The following STAM variants were observed in gnomAD, a reference collection of about 807,000 sequenced individuals.
STAM encodes signal transducing adapter molecule 1.
In STAM, 16 loss-of-function variants were observed where a neutral mutation model predicts 63.4. That is an observed-to-expected ratio of 0.25 (90% confidence interval 0.17 to 0.38). The LOEUF is 0.38. Ranked by LOEUF, STAM falls within the 10% of genes least tolerant of loss-of-function variation. The probability of loss-of-function intolerance (pLI) is 1.00; values close to 1 mark genes in which losing one functional copy is unlikely to be tolerated. For missense variants in STAM, 636 were observed against 657.1 expected (o/e 0.97, Z 0.35); for synonymous variants, 238 against 223.9 (o/e 1.06, Z -0.56).
intron 1 of STAM, among the ~76,000 whole-genome samples, chr10:17,648,928 A>G (rs1396591937): frequency 6.6e-6 from 1 of 152,116 alleles, no homozygotes; most frequent in Non-Finnish European, 1.5e-5. Flanking sequence ...ACTCTCTTGA[A>G]TTCCAGGCTT....
chr10:17,657,005 G>A (rs1833965874), intron 1 of STAM, among the ~76,000 whole-genome samples: 1 of 152,146 alleles, frequency 6.6e-6, no homozygotes, highest in African/African-American at 2.4e-5. Flanking sequence ...CTTGGGAGGT[G>A]AGCATGCACA....
chr10:17,665,931 T>C (rs1554823336), intron 2 of STAM, among the ~76,000 whole-genome samples: 1 of 152,184 alleles, frequency 6.6e-6, no homozygotes. Flanking sequence ...AATTAGGTCA[T>C]ATGATGGGCT....
At chr10:17,706,596 G>T (rs1836291411) in intron 12 of STAM, among the ~76,000 whole-genome samples, 1 of 151,932 alleles carries the variant, frequency 6.6e-6, no homozygotes. Context: ...AGCCAGGTTG[G>T]CCTTGATCTC....
chr10:17,705,721 T>C lies in STAM; in HGVS notation c.1189T>C (p.Ser397Pro). ...GAATCAGCCATATTATATGCAGTCA[T>C]CTGGTGTTTCTGGTTCTCAGGTAAG... ...LQNQPYYMQS[S>P]GVSGSQVYAG... The change falls in exon 12 of 14, where the codon TCT becomes CCT. Residue 397 changes from serine (S) to proline (P), a missense_variant. By Grantham distance (74) the Ser-to-Pro change is moderately conservative (BLOSUM62 -1). Coordinates refer to ENST00000377524, the MANE Select transcript of STAM (RefSeq NM_003473.4). 6.2e-7 allele frequency: 1 copy of C among 1,611,652 alleles called. No individual in the cohort carries two copies. The highest frequency in any genetic ancestry group is 8.5e-7 in the Non-Finnish European group (1 of 1,179,374).
In STAM at chr10:17,698,795, G is replaced by A. The variant is rs149445406; in HGVS notation, c.824-1396G>A. On this transcript the variant is annotated intron_variant, in intron 8 of 13. Transcript: ENST00000377524. ...GAGAAAAGGGGTTGCAAACTTGCGCGTCAAGAGCTGTTAGAATATGAAGTC... is the reference window on the plus strand; with the variant it reads ...GAGAAAAGGGGTTGCAAACTTGCGCATCAAGAGCTGTTAGAATATGAAGTC... 3.1e-3 allele frequency among the ~76,000 whole-genome samples: 479 copies of A among 152,214 alleles called. 2 individuals are homozygous for A. Among genetic ancestry groups the A allele is most frequent in the African/African-American group, 0.011 (440 of 41,514 alleles).
intron 13 of STAM, among the ~76,000 whole-genome samples, chr10:17,714,147 C>G (rs1212873224): frequency 6.6e-6 from 1 of 152,154 alleles, no homozygotes; most frequent in African/African-American, 2.4e-5. Flanking sequence ...AGGCACCCTA[C>G]CATAAACTAG....
chr10:17,667,742 G>T (rs557925740), intron 2 of STAM, among the ~76,000 whole-genome samples: 1 of 152,310 alleles, frequency 6.6e-6, no homozygotes, highest in East Asian at 1.9e-4. Flanking sequence ...GTATGAGGGG[G>T]TTACGTTTAT....
intron 13 of STAM, among the ~76,000 whole-genome samples, chr10:17,711,480 TA>T (rs1589119555): frequency 6.6e-6 from 1 of 152,060 alleles, no homozygotes; most frequent in South Asian, 2.1e-4. Context: ...GGCAAACACA[TA>T]AAAAAATATA....
intron 13 of STAM, 93 bp downstream of exon 13, chr10:17,709,044 A>G: frequency 6.9e-7 from 1 of 1,449,474 alleles, no homozygotes. Flanking sequence ...TGGCTAATAA[A>G]TATCTGTGGT....
chr10:17,686,522 A>G (rs1393797962), intron 4 of STAM, among the ~76,000 whole-genome samples: 2 of 151,928 alleles, frequency 1.3e-5, no homozygotes, highest in East Asian at 1.9e-4. Context: ...GAATACAGGC[A>G]TGCGCCACCA....
At chr10:17,644,429 A>T in intron 1 of STAM, 50 bp downstream of exon 1, 1 of 1,608,738 alleles carries the variant, frequency 6.2e-7, no homozygotes. Flanking sequence ...CTGCACGCTC[A>T]CTCTGCCAGC....
chr10:17,686,376 G>T (rs1232364572), intron 4 of STAM, among the ~76,000 whole-genome samples: 1 of 143,442 alleles, frequency 7.0e-6, no homozygotes, highest in Non-Finnish European at 1.5e-5. Context: ...ATAACATCCC[G>T]CCTTTTTTTT....
chr10:17,661,326 C>T (rs782409775), intron 2 of STAM, among the ~76,000 whole-genome samples: 24 of 152,220 alleles, frequency 1.6e-4, no homozygotes, highest in Non-Finnish European at 3.2e-4. Context: ...CTGCATTACA[C>T]TTGATATTTG....
At chr10:17,674,469 C>T (rs1554824429) in intron 2 of STAM, among the ~76,000 whole-genome samples, 1 of 152,066 alleles carries the variant, frequency 6.6e-6, no homozygotes, top group Admixed American at 6.5e-5. Flanking sequence ...CAGTGATGGT[C>T]GACCATCACC....
At chr10:17,660,897 G>C (rs991200746) in intron 2 of STAM, among the ~76,000 whole-genome samples, 6 of 152,084 alleles carry the variant, frequency 3.9e-5, no homozygotes, top group Non-Finnish European at 7.4e-5. Context: ...TAACATGGCT[G>C]GTAAAAAGTT....
At chr10:17,707,438 TAAAAAC>T (rs1203305374) in intron 12 of STAM, among the ~76,000 whole-genome samples, 1 of 151,382 alleles carries the variant, frequency 6.6e-6, no homozygotes, top group Non-Finnish European at 1.5e-5. Context: ...TAATAATAAA[TAAAAAC>T]AAAACTAGCC....
chr10:17,686,603 C>T (rs2131636216), intron 4 of STAM, among the ~76,000 whole-genome samples: 1 of 152,280 alleles, frequency 6.6e-6, no homozygotes, highest in East Asian at 1.9e-4. Flanking sequence ...CAGTCTCGAA[C>T]TCCTGACCTT....
intron 1 of STAM, among the ~76,000 whole-genome samples, chr10:17,657,346 T>G (rs1000385544): frequency 3.3e-5 from 5 of 152,188 alleles, no homozygotes; most frequent in African/African-American, 1.2e-4. Flanking sequence ...TCTCCTGCCC[T>G]GCTCGTACCT....
intron 2 of STAM, among the ~76,000 whole-genome samples, chr10:17,671,120 T>A (rs1367115881): frequency 6.6e-6 from 1 of 152,212 alleles, no homozygotes; most frequent in Non-Finnish European, 1.5e-5. Context: ...AGTTCCCATG[T>A]CTTTTAGCTG....
Sources: allele counts gnomAD v4.1 joint callset (sites outside exome capture counted in the v4.1 genomes callset), GRCh38; gene constraint gnomAD v4.1.1; transcripts MANE v1.5; gene names NCBI Gene and HGNC (gene_info 2026-07-23, HGNC 2026-07-21).